Variants in GRIK3 observed in about 807,000 individuals in gnomAD.
The protein encoded by GRIK3 is glutamate receptor ionotropic, kainate 3.
GRIK3 carries 29 observed loss-of-function variants against 102.5 expected under a neutral mutation model. The ratio of observed to expected loss-of-function variants is 0.28; its 90% CI spans 0.21 to 0.39. The LOEUF (loss-of-function observed/expected upper bound fraction) is 0.39, where lower values mean the gene tolerates loss of function less well. GRIK3 is among the 10% of genes least tolerant of loss of function. The pLI is 1.00. For missense variants in GRIK3, 908 were observed against 1,252.4 expected (o/e 0.73, Z 4.15); for synonymous variants, 511 against 504.9 (o/e 1.01, Z -0.16).
In GRIK3 at chr1:36,953,257, G is replaced by T. The variant is rs528979032; in HGVS notation, c.116-62161C>A. ...GCCCTTGGGCTCTGGCAAGTGCGGA[G>T]CGTTCCCAGCTTGAGCAGAACAGAT... On this transcript the variant is annotated intron_variant, in intron 1 of 15. Transcript: ENST00000373091. Among the ~76,000 whole-genome samples the T allele has an allele frequency of 1.9e-3, 285 of 152,288 alleles. 1 individual carries two copies. The highest frequency in any genetic ancestry group is 6.4e-3 in the African/African-American group (265 of 41,552).
At chr1:36,867,738 C>G (rs1640800748) in intron 5 of GRIK3, among the ~76,000 whole-genome samples, 1 of 152,142 alleles carries the variant, frequency 6.6e-6, no homozygotes, top group Non-Finnish European at 1.5e-5. Flanking sequence ...ATCTTCCTAT[C>G]TCCTTCACCC....
In GRIK3 at chr1:36,960,134, C is replaced by T. The variant is rs924977446; in HGVS notation, c.116-69038G>A. 6.0e-4 allele frequency among the ~76,000 whole-genome samples: 56 copies of T among 93,244 alleles called. 7 individuals are homozygous for T. The highest frequency in any genetic ancestry group is 1.8e-3 in the Admixed American group (17 of 9,674). 61.2% of individuals were successfully genotyped at this position (93,244 alleles called of 152,430 possible). A position where few individuals can be genotyped will look rare whatever the true frequency, so the allele number is the denominator to read the frequency against. Reference sequence around the variant, plus strand: ...CTCTGTGAGTCTGTGCCTCGTGAGCCTGTGCCCCTTGAGCCTGTGTGCCCT... The same window carrying T: ...CTCTGTGAGTCTGTGCCTCGTGAGCTTGTGCCCCTTGAGCCTGTGTGCCCT... On this transcript the variant is annotated intron_variant, in intron 1 of 15. Coordinates refer to ENST00000373091, the MANE Select transcript of GRIK3 (RefSeq NM_000831.4).
intron 8 of GRIK3, among the ~76,000 whole-genome samples, chr1:36,852,677 AGGACC>A (rs1472199652): frequency 6.6e-6 from 1 of 152,204 alleles, no homozygotes; most frequent in Admixed American, 6.5e-5. Context: ...CGGGGTGGAG[AGGACC>A]GAAATCAGAG....
At chr1:36,867,771 C>T (rs1219415930) in intron 5 of GRIK3, among the ~76,000 whole-genome samples, 2 of 152,220 alleles carry the variant, frequency 1.3e-5, no homozygotes, top group Non-Finnish European at 1.5e-5. Flanking sequence ...GCCCTCGCCA[C>T]CCACTCTGTC....
chr1:36,868,823 G>A (rs477968), intron 5 of GRIK3, among the ~76,000 whole-genome samples: 133,785 of 152,258 alleles, frequency 0.88, 59,295 homozygotes, highest in East Asian at 0.95. Flanking sequence ...CAAACTTCCC[G>A]CCTTCCACCA....
At chr1:36,879,788 A>G (rs1459814584) in intron 3 of GRIK3, among the ~76,000 whole-genome samples, 2 of 152,140 alleles carry the variant, frequency 1.3e-5, no homozygotes, top group East Asian at 3.9e-4. Context: ...CACATCAGGG[A>G]GCCCAGCTTT....
chr1:36,888,457 T>A (rs1203829719), intron 2 of GRIK3, among the ~76,000 whole-genome samples: 1 of 152,176 alleles, frequency 6.6e-6, no homozygotes, highest in Admixed American at 6.5e-5. Flanking sequence ...CAGTTCCTTT[T>A]TTCTTGATCT....
At chr1:36,976,581 A>C (rs902797844) in intron 1 of GRIK3, among the ~76,000 whole-genome samples, 1 of 152,120 alleles carries the variant, frequency 6.6e-6, no homozygotes, top group Non-Finnish European at 1.5e-5. Flanking sequence ...ATCCGGCTTC[A>C]CAACTGCCCA....
At position 36,844,196 on chromosome 1, in the gene GRIK3, T is replaced by C. The variant is rs543461859; in HGVS notation, c.1327-2257A>G. Among the ~76,000 whole-genome samples, 4 of 152,300 alleles carry C rather than the reference T, an allele frequency of 2.6e-5. No homozygotes were observed. The East Asian group carries it at 5.8e-4, about 22-fold the overall frequency. On this transcript the variant is annotated intron_variant, in intron 9 of 15. Transcript: ENST00000373091. ...GAAAGAACTGGTGGGGGTGGGGCAG[T>C]CTCTGAATCCCCAAGGGATTCCCGA... is the stretch of plus-strand genomic sequence containing the variant.
intron 1 of GRIK3, among the ~76,000 whole-genome samples, chr1:36,935,336 T>C (rs541545616): frequency 2.6e-5 from 4 of 152,182 alleles, no homozygotes; most frequent in Non-Finnish European, 5.9e-5. Context: ...TGGGTACCCA[T>C]ATACCCAGGT....
At position 36,880,191 on chromosome 1, in the gene GRIK3, G is replaced by T. The variant is rs1233704440; in HGVS notation, c.550+443C>A. Among the ~76,000 whole-genome samples the T allele has an allele frequency of 6.6e-6, 1 of 152,208 alleles. No individual in the cohort carries two copies. The highest frequency in any genetic ancestry group is 6.5e-5 in the Admixed American group (1 of 15,286). On this transcript the variant is annotated intron_variant, in intron 3 of 15. Coordinates refer to ENST00000373091, the MANE Select transcript of GRIK3 (RefSeq NM_000831.4). The surrounding 1 kb of genome is among the most constrained non-coding windows in gnomAD (Gnocchi z 5.4). ...GATGGGATTTACACCCAGGTGGTTTGGCTCCAGTGTGTACACACTTAACAC... is the reference window on the plus strand; with the variant it reads ...GATGGGATTTACACCCAGGTGGTTTTGCTCCAGTGTGTACACACTTAACAC...
intron 1 of GRIK3, among the ~76,000 whole-genome samples, chr1:36,957,483 CCCCGTGAG>C (rs1373181846): frequency 8.8e-5 from 11 of 124,630 alleles, no homozygotes; most frequent in African/African-American, 1.2e-4. Context: ...TGAGTCTGTG[CCCCGTGAG>C]CCTGTGTGCC....
chr1:37,014,844 A>ATCTTTTCTTTTCTTT (rs57927286), intron 1 of GRIK3, among the ~76,000 whole-genome samples: 4 of 133,182 alleles, frequency 3.0e-5, no homozygotes, highest in Non-Finnish European at 5.0e-5. Flanking sequence ...CTCTTTTCTT[A>ATCTTTTCTTTTCTTT]TCTTTTCTTT....
chr1:37,031,125 C>G (rs753226312), intron 1 of GRIK3, among the ~76,000 whole-genome samples: 11 of 152,144 alleles, frequency 7.2e-5, no homozygotes, highest in African/African-American at 1.2e-4. Context: ...ACAATAATAA[C>G]GACGATAATA....
intron 1 of GRIK3, among the ~76,000 whole-genome samples, chr1:36,936,183 G>T (rs1414808427): frequency 6.6e-6 from 1 of 152,212 alleles, no homozygotes; most frequent in Non-Finnish European, 1.5e-5. Flanking sequence ...TGAAGCCTGA[G>T]ATGGGTGAAG....
At position 36,798,801 on chromosome 1, in the gene GRIK3, G is replaced by A. The variant is rs946303728; in HGVS notation, c.*3050C>T. Reference sequence around the variant, plus strand: ...CCTGGGAGAGGAGATGAGGCAGCATGCCCTCCTGCTTCCACACAGGAGTCT... The same window carrying A: ...CCTGGGAGAGGAGATGAGGCAGCATACCCTCCTGCTTCCACACAGGAGTCT... On this transcript the variant is annotated 3_prime_UTR_variant, in exon 16 of 16. Transcript: ENST00000373091. The A allele has an allele frequency of 6.6e-6, 1 of 152,260 alleles. No individual in the cohort carries two copies. Among genetic ancestry groups the A allele is most frequent in the African/African-American group, 2.4e-5 (1 of 41,470 alleles). 9.4% of individuals were successfully genotyped at this position (152,260 alleles called of 1,614,324 possible).
At chr1:36,919,082 T>C (rs10796894) in intron 1 of GRIK3, among the ~76,000 whole-genome samples, 134,991 of 152,280 alleles carry the variant, frequency 0.89, 59,941 homozygotes, top group East Asian at 0.99. Context: ...TTTTATGGCT[T>C]TCCCAAGGGA....
At chr1:36,919,338 AATTTTATTTTATTTTATTTT>A (rs59601847) in intron 1 of GRIK3, among the ~76,000 whole-genome samples, 1 of 143,600 alleles carries the variant, frequency 7.0e-6, no homozygotes, top group African/African-American at 2.6e-5. Context: ...GCTTTTTTAA[AATTTTATTTTATTTTATTTT>A]ATTTTATTTT....
intron 2 of GRIK3, among the ~76,000 whole-genome samples, chr1:36,882,847 C>T (rs1640997313): frequency 6.6e-6 from 1 of 152,202 alleles, no homozygotes; most frequent in Admixed American, 6.5e-5. Flanking sequence ...GCCCACCAGG[C>T]AAAACCCTGG....
Sources: gnomAD v4.1 joint callset for allele counts (sites outside exome capture counted in the v4.1 genomes callset) on GRCh38, gnomAD v4.1.1 for gene constraint, Gnocchi (gnomAD v3.1) non-coding constraint, MANE v1.5 for transcripts, NCBI Gene and HGNC (gene_info 2026-07-23, HGNC 2026-07-21) for gene names.